Variants in COL15A1 observed in about 807,000 individuals in gnomAD.
The protein encoded by COL15A1 is collagen alpha-1(XV) chain.
COL15A1 carries 111 observed loss-of-function variants against 165.9 expected under a neutral mutation model. The ratio of observed to expected loss-of-function variants is 0.67; its 90% CI spans 0.57 to 0.78. COL15A1 has a LOEUF of 0.78. Ranked by LOEUF, COL15A1 falls within the 30% of genes least tolerant of loss-of-function variation. The pLI, the probability that COL15A1 is intolerant of heterozygous loss-of-function variation, is 0.00. For missense variants in COL15A1, 1,745 were observed against 1,789.7 expected, an observed-to-expected ratio of 0.98 and a Z score of 0.45; for synonymous variants, 659 against 674.8, an observed-to-expected ratio of 0.98 and a Z score of 0.36.
intron 5 of COL15A1, 103 bp from the exon 6 acceptor site, chr9:98,996,831 C>A: frequency 6.6e-7 from 1 of 1,525,276 alleles, no homozygotes; most frequent in Non-Finnish European, 8.9e-7. Flanking sequence ...TTGGTTTATT[C>A]AGCATCTTGT....
At chr9:99,068,503 C>A in intron 40 of COL15A1, 52 bp from the exon 41 acceptor site, 12 of 607,710 alleles carry the variant, frequency 2.0e-5, no homozygotes, top group Non-Finnish European at 3.2e-5. Context: ...AAATCTAACT[C>A]ATTTGTAGGC....
At chr9:98,991,007 TG>T (rs1838414012) in intron 5 of COL15A1, among the ~76,000 whole-genome samples, 1 of 151,974 alleles carries the variant, frequency 6.6e-6, no homozygotes, top group South Asian at 2.1e-4. Flanking sequence ...TCGCGGTGAG[TG>T]TTACAACTCT....
intron 2 of COL15A1, among the ~76,000 whole-genome samples, chr9:98,978,009 C>A (rs376192215): frequency 7.2e-5 from 11 of 152,208 alleles, no homozygotes; most frequent in African/African-American, 2.6e-4. Flanking sequence ...CTGGAGTGGT[C>A]GGGGCTGTGG....
chr9:99,008,768 C>T (rs1192117753), intron 9 of COL15A1, among the ~76,000 whole-genome samples: 1 of 152,136 alleles, frequency 6.6e-6, no homozygotes, highest in Non-Finnish European at 1.5e-5. Flanking sequence ...TGCCACCACC[C>T]CTGGCTAATT....
intron 16 of COL15A1, among the ~76,000 whole-genome samples, chr9:99,029,207 C>T (rs1839176477): frequency 6.6e-6 from 1 of 152,208 alleles, no homozygotes. Context: ...ATTCTGCAGT[C>T]TCAAAAGGTA....
intron 31 of COL15A1, 83 bp from the exon 32 acceptor site, chr9:99,054,493 T>C (rs539031524): frequency 6.0e-5 from 86 of 1,444,526 alleles, no homozygotes; most frequent in South Asian, 3.7e-4. Flanking sequence ...ATGAGCTTAG[T>C]TTGAAAACCT....
At chr9:98,966,363 G>A (rs890439854) in intron 2 of COL15A1, among the ~76,000 whole-genome samples, 1 of 152,146 alleles carries the variant, frequency 6.6e-6, no homozygotes, top group Non-Finnish European at 1.5e-5. Flanking sequence ...GGAGATGGGG[G>A]GCCTTCTCCA....
At chr9:98,994,242 A>G (rs548076867) in intron 5 of COL15A1, among the ~76,000 whole-genome samples, 132 of 152,152 alleles carry the variant, frequency 8.7e-4, no homozygotes, top group African/African-American at 3.1e-3. Flanking sequence ...AGATCCTAGA[A>G]TCTGTATTGA....
intron 39 of COL15A1, among the ~76,000 whole-genome samples, chr9:99,064,531 G>A (rs1825865446): frequency 6.6e-6 from 1 of 152,148 alleles, no homozygotes; most frequent in Non-Finnish European, 1.5e-5. Context: ...TTACTACGGG[G>A]CTGGTTGGAT....
rs67961829 is a variant in COL15A1, at chr9:99,066,599, G to GTTT, written c.3652-260_3652-258dup. On this transcript the variant is annotated intron_variant, in intron 39 of 41. Coordinates refer to ENST00000375001, the MANE Select transcript of COL15A1 (RefSeq NM_001855.5). Reference sequence around the variant, plus strand: ...TTTGGTCCAAGCAATATTTTGTTCTGTTTTTTTTTTTTTTTTTTTTTTTTT... The same window carrying GTTT: ...TTTGGTCCAAGCAATATTTTGTTCTGTTTTTTTTTTTTTTTTTTTTTTTTTTTT... Among the ~76,000 whole-genome samples, 271 of 71,010 alleles carry GTTT rather than the reference G, an allele frequency of 3.8e-3. 13 individuals carry two copies. The highest frequency in any genetic ancestry group is 4.4e-3 in the Non-Finnish European group (158 of 35,704). The allele number at this position is 71,010 out of a possible 152,430, so 46.6% of individuals were successfully genotyped here. A position where few individuals can be genotyped will look rare whatever the true frequency, so the allele number is the denominator to read the frequency against.
rs1187589210 is a variant in COL15A1 at position 99,070,042 on chromosome 9, C to A, written c.*156C>A. On this transcript the variant is annotated 3_prime_UTR_variant, in exon 42 of 42. Coordinates refer to ENST00000375001, the MANE Select transcript of COL15A1 (RefSeq NM_001855.5). ...ACCAAAGAAAACATACCTCAATACA[C>A]TCAAAACTGAAGACATAGAGGACTC... 1.6e-6 allele frequency: 1 copy of A among 619,150 alleles called. No individual in the cohort carries two copies. Among genetic ancestry groups the A allele is most frequent in the East Asian group, 2.9e-5 (1 of 34,920 alleles). 38.4% of individuals were successfully genotyped at this position (619,150 alleles called of 1,614,324 possible).
intron 28 of COL15A1, 148 bp from the exon 29 acceptor site, chr9:99,049,542 G>A: frequency 1.2e-6 from 1 of 851,658 alleles, no homozygotes; most frequent in South Asian, 1.7e-5. Flanking sequence ...GGACATAGAA[G>A]TGCTCTGTGG....
intron 35 of COL15A1, 24 bp from the exon 36 acceptor site, chr9:99,059,865 C>A (rs762641872): frequency 6.8e-5 from 109 of 1,611,708 alleles, no homozygotes; most frequent in Middle Eastern, 1.6e-4. Flanking sequence ...TTTTGTGTAA[C>A]TTCTCTTTTC....
Position 99,066,599 on chromosome 9 carries a change from G to GTTTTTTTTTTTTTTTTTTTTTTTTTTT in COL15A1, c.3652-258_3652-257insTTTTTTTTTTTTTTTTTTTTTTTTTTT, listed in dbSNP as rs67961829. The stretch of plus-strand genomic sequence containing the variant: ...TTTGGTCCAAGCAATATTTTGTTCT[G>GTTTTTTTTTTTTTTTTTTTTTTTTTTT]TTTTTTTTTTTTTTTTTTTTTTTTT... On this transcript the variant is annotated intron_variant, in intron 39 of 41. Coordinates refer to ENST00000375001, the MANE Select transcript of COL15A1 (RefSeq NM_001855.5). Among the ~76,000 whole-genome samples, 15 of 71,038 alleles carry GTTTTTTTTTTTTTTTTTTTTTTTTTTT rather than the reference G, an allele frequency of 2.1e-4. 1 individual carries two copies. Among genetic ancestry groups the GTTTTTTTTTTTTTTTTTTTTTTTTTTT allele is most frequent in the Middle Eastern group, 8.9e-3 (1 of 112 alleles). 46.6% of individuals were successfully genotyped at this position (71,038 alleles called of 152,430 possible).
intron 40 of COL15A1, among the ~76,000 whole-genome samples, chr9:99,067,921 A>T (rs965649391): frequency 6.6e-6 from 1 of 152,282 alleles, no homozygotes; most frequent in Non-Finnish European, 1.5e-5. Flanking sequence ...TTTGAAGCTT[A>T]GTATGTATGC....
intron 3 of COL15A1, 51 bp downstream of exon 3, chr9:98,986,163 C>T (rs763468006): frequency 9.5e-6 from 13 of 1,375,636 alleles, no homozygotes; most frequent in African/African-American, 7.3e-5. Context: ...TGAACAGACT[C>T]GCCATGCAAT....
rs1839276931 is a variant in COL15A1 at position 99,035,099 on chromosome 9, C to T, written c.2165C>T (p.Pro722Leu). ...GPPGVMGPPG[P>L]PGPPGPPGPG... Reference sequence around the variant, plus strand: ...CCTGGGGTCATGGGACCCCCAGGGCCTCCTGGACCCCCTGGGCCCCCAGGC... The same window carrying T: ...CCTGGGGTCATGGGACCCCCAGGGCTTCCTGGACCCCCTGGGCCCCCAGGC... Residue 722 changes from proline (P) to leucine (L), a missense_variant, in exon 18 of 42, where the codon CCT (proline) becomes CTT (leucine). Physicochemically the swap from Pro to Leu is moderately conservative, Grantham distance 98. Transcript: ENST00000375001. 6.2e-7 allele frequency: 1 copy of T among 1,605,358 alleles called. No homozygotes were observed. Among genetic ancestry groups the T allele is most frequent in the African/African-American group, 1.3e-5 (1 of 74,716 alleles).
In COL15A1 at chr9:98,989,198, G is replaced by A. The variant is rs765660564; in HGVS notation, c.744G>A (p.Gly248=). 1.9e-6 allele frequency: 3 copies of A among 1,614,018 alleles called. No individual in the cohort carries two copies. The highest frequency in any genetic ancestry group is 2.7e-5 in the African/African-American group (2 of 74,924). Residue 248 remains glycine, a synonymous_variant, in exon 5 of 42, where the codon GGG becomes GGA. Coordinates refer to ENST00000375001, the MANE Select transcript of COL15A1 (RefSeq NM_001855.5). ...EESSASGETS[G]LQEADGVAEI... ...CACAGGCATCTGGAGAGACCAGTGGGCTGCAGGAGGCAGACGGAGTAGCTG... is the reference window on the plus strand; with the variant it reads ...CACAGGCATCTGGAGAGACCAGTGGACTGCAGGAGGCAGACGGAGTAGCTG...
In COL15A1 at chr9:98,965,707, C is replaced by A. The variant is rs368683316; in HGVS notation, c.101-19858C>A. ...GTGAAGCATCTCAGGCCTATCTCCACTGGCCCTTCCTTCAGGTCCCCTTCC... is the reference window on the plus strand; with the variant it reads ...GTGAAGCATCTCAGGCCTATCTCCAATGGCCCTTCCTTCAGGTCCCCTTCC... On this transcript the variant is annotated intron_variant, in intron 2 of 41. Coordinates refer to ENST00000375001, the MANE Select transcript of COL15A1 (RefSeq NM_001855.5). Among the ~76,000 whole-genome samples, 12 of 152,372 alleles carry A rather than the reference C, an allele frequency of 7.9e-5. 1 individual carries two copies. In the East Asian group the frequency reaches 9.6e-4, roughly 12 times the overall value.
Sources: gnomAD v4.1 joint callset for allele counts (sites outside exome capture counted in the v4.1 genomes callset) on GRCh38, gnomAD v4.1.1 for gene constraint, MANE v1.5 for transcripts, NCBI Gene and HGNC (gene_info 2026-07-23, HGNC 2026-07-21) for gene names.